The following DYNC2H1 variants were observed in gnomAD, a reference collection of about 807,000 sequenced individuals.
DYNC2H1 encodes the protein cytoplasmic dynein 2 heavy chain 1.
Under a neutral mutation model 570.0 loss-of-function variants are expected in DYNC2H1, and 410 were observed. That is an observed-to-expected ratio of 0.72 (90% CI 0.66 to 0.78). The LOEUF (loss-of-function observed/expected upper bound fraction) is 0.78. Ranked by LOEUF, DYNC2H1 falls within the 30% of genes least tolerant of loss-of-function variation. DYNC2H1 has a pLI of 0.00. For missense variants in DYNC2H1, 4,865 were observed against 5,046.4 expected (o/e 0.96, Z 1.09); for synonymous variants, 1,688 against 1,677.6 (o/e 1.01, Z -0.15).
At chr11:103,212,074 C>T (rs1591416752) in intron 54 of DYNC2H1, 131 bp downstream of exon 54, 2 of 1,136,474 alleles carry the variant, frequency 1.8e-6, no homozygotes, top group East Asian at 6.4e-5. Context: ...CCTTGGAAAA[C>T]AGTCTCACTT....
chr11:103,435,807 A>T, intron 84 of DYNC2H1, 136 bp from the exon 85 acceptor site: 2 of 677,476 alleles, frequency 3.0e-6, no homozygotes, highest in South Asian at 3.7e-5. Context: ...TGTTCAATTT[A>T]ATGAGATCAA....
rs755823209 is a variant in DYNC2H1, at chr11:103,177,868, A to G, written c.6139+48A>G. On this transcript the variant is annotated intron_variant, in intron 38 of 88. Transcript: ENST00000375735. This position sits in a 1 kb window ranked among gnomAD's most constrained non-coding sequence, Gnocchi z 4.4. ...TTGCTTTACTTAGTAATTCTTAGAT[A>G]ATGATATAATTTGTCTATAATGCTG... is the stretch of plus-strand genomic sequence containing the variant. 1 of 1,539,940 alleles carries G rather than the reference A, an allele frequency of 6.5e-7. No homozygotes were observed. Among genetic ancestry groups the G allele is most frequent in the Admixed American group, 2.3e-5 (1 of 44,006 alleles).
At chr11:103,399,079 C>T (rs1248691214) in intron 83 of DYNC2H1, among the ~76,000 whole-genome samples, 2 of 151,406 alleles carry the variant, frequency 1.3e-5, no homozygotes, top group Non-Finnish European at 2.9e-5. Context: ...TCTTTTCTTA[C>T]CATACTATTA....
chr11:103,445,291 C>T (rs1461329407), intron 85 of DYNC2H1, among the ~76,000 whole-genome samples: 1 of 152,122 alleles, frequency 6.6e-6, no homozygotes, highest in Middle Eastern at 3.2e-3. Flanking sequence ...GTATATGAAA[C>T]TATCTTTGTA....
rs1251940911 is a variant in DYNC2H1 at position 103,157,317 on chromosome 11, G to T, written c.4127+547G>T. On this transcript the variant is annotated intron_variant, in intron 26 of 88. Transcript: ENST00000375735. The surrounding 1 kb of genome is among the most constrained non-coding windows in gnomAD (Gnocchi z 4.2). ...CATCAGTTCTCTTTTATATGCTGAGGTCTCCTCAACTTACATGTACAGCCC... is the reference window on the plus strand; with the variant it reads ...CATCAGTTCTCTTTTATATGCTGAGTTCTCCTCAACTTACATGTACAGCCC... 6.6e-6 allele frequency among the ~76,000 whole-genome samples: 1 copy of T among 152,132 alleles called. No individual in the cohort carries two copies. The highest frequency in any genetic ancestry group is 1.5e-5 in the Non-Finnish European group (1 of 68,030).
chr11:103,227,797 A>G lies in DYNC2H1; in HGVS notation c.9354-3463A>G, dbSNP rs549259608. Among the ~76,000 whole-genome samples, 20 of 152,248 alleles carry G rather than the reference A, an allele frequency of 1.3e-4. No individual in the cohort carries two copies. In the South Asian group the frequency reaches 4.1e-3, roughly 32 times the overall value. On this transcript the variant is annotated intron_variant, in intron 59 of 88. Transcript: ENST00000375735. ...CAGTGGAGTATTAAAGTTTCTCACTATTATTGTGTTGATGTTTATCTCATT... is the reference window on the plus strand; with the variant it reads ...CAGTGGAGTATTAAAGTTTCTCACTGTTATTGTGTTGATGTTTATCTCATT...
chr11:103,400,382 A>G (rs1016202002), intron 84 of DYNC2H1, among the ~76,000 whole-genome samples: 1 of 152,182 alleles, frequency 6.6e-6, no homozygotes, highest in South Asian at 2.1e-4. Flanking sequence ...GGATGGATTT[A>G]TCTTTGCCTT....
rs373902855 is a variant in DYNC2H1 at position 103,119,489 on chromosome 11, G to C, written c.1000-958G>C. Among the ~76,000 whole-genome samples, 7 of 152,088 alleles carry C rather than the reference G, an allele frequency of 4.6e-5. No individual in the cohort carries two copies. In the East Asian group the frequency reaches 1.4e-3, roughly 29 times the overall value. On this transcript the variant is annotated intron_variant, in intron 6 of 88. Coordinates refer to ENST00000375735, the MANE Select transcript of DYNC2H1 (RefSeq NM_001377.3). ...TGAGTAGCTGGGACTACAGGTGCAC[G>C]CCACCACACCTGGCTAATTTTTGTA...
intron 25 of DYNC2H1, 148 bp from the exon 26 acceptor site, chr11:103,156,240 C>T: frequency 1.5e-6 from 1 of 687,634 alleles, no homozygotes; most frequent in Non-Finnish European, 2.4e-6. Flanking sequence ...TCTTGAGTTG[C>T]ATGTAAAATA....
chr11:103,425,308 T>G (rs983207189), intron 84 of DYNC2H1, among the ~76,000 whole-genome samples: 1 of 152,196 alleles, frequency 6.6e-6, no homozygotes, highest in Non-Finnish European at 1.5e-5. Flanking sequence ...AAACATTTAT[T>G]TCTTACAGTT....
intron 75 of DYNC2H1, 156 bp downstream of exon 75, chr11:103,287,761 A>AT (rs1422666920): frequency 1.6e-5 from 11 of 696,394 alleles, no homozygotes; most frequent in Non-Finnish European, 2.5e-5. Context: ...TTTTAGAAAA[A>AT]TAATTCTCGG....
chr11:103,240,907 C>T (rs1236398775), intron 63 of DYNC2H1, among the ~76,000 whole-genome samples: 1 of 152,162 alleles, frequency 6.6e-6, no homozygotes, highest in Non-Finnish European at 1.5e-5. Flanking sequence ...TTACTCCTGC[C>T]ATTTTATATG....
chr11:103,455,520 T>A (rs1350739476), intron 86 of DYNC2H1, among the ~76,000 whole-genome samples: 1 of 152,194 alleles, frequency 6.6e-6, no homozygotes, highest in Non-Finnish European at 1.5e-5. Context: ...AGATAAAATG[T>A]AACTTTTATA....
At position 103,358,324 on chromosome 11, in the gene DYNC2H1, T is replaced by A. The variant is rs1565524849; in HGVS notation, c.12121T>A (p.Ser4041Thr). The change falls in exon 83 of 89, where the codon TCT becomes ACT. Residue 4041 changes from serine (S) to threonine (T), a missense_variant. Coordinates refer to ENST00000375735, the MANE Select transcript of DYNC2H1 (RefSeq NM_001377.3). ...TAGAGAAATCTGGTCTAATGAACTT[T>A]CTCCTGTCCTCAATCTCTGGAAGAA... ...FDREIWSNELSPVLNLWKKLN... is the reference protein window; with the variant it reads ...FDREIWSNELTPVLNLWKKLN... 3.8e-6 allele frequency: 6 copies of A among 1,584,036 alleles called. No homozygotes were observed. Among genetic ancestry groups the A allele is most frequent in the Non-Finnish European group, 5.2e-6 (6 of 1,163,312 alleles).
intron 84 of DYNC2H1, among the ~76,000 whole-genome samples, 184 bp downstream of exon 84, chr11:103,400,056 C>T (rs1179649256): frequency 6.6e-6 from 1 of 152,152 alleles, no homozygotes; most frequent in African/African-American, 2.4e-5. Flanking sequence ...ATTATGCCAG[C>T]TTGATGTAGG....
Position 103,280,356 on chromosome 11 carries a change from G to C in DYNC2H1, c.10704G>C (p.Gln3568His). 1 of 1,554,986 alleles carries C rather than the reference G, an allele frequency of 6.4e-7. No individual in the cohort carries two copies. The highest frequency in any genetic ancestry group is 8.7e-7 in the Non-Finnish European group (1 of 1,148,020). The change falls in exon 71 of 89, where the codon CAG becomes CAC. Residue 3568 changes from glutamine to histidine, a missense_variant. Physicochemically the swap from Gln to His is conservative, Grantham distance 24. Coordinates refer to ENST00000375735, the MANE Select transcript of DYNC2H1 (RefSeq NM_001377.3). This position sits in a 1 kb window ranked among gnomAD's most constrained non-coding sequence, Gnocchi z 4.7. ...TCTGTTATTCTTTGCAGGCTGATCAGTTGATGTTCGCTTTGCATTTTGTTC... is the reference window on the plus strand; with the variant it reads ...TCTGTTATTCTTTGCAGGCTGATCACTTGATGTTCGCTTTGCATTTTGTTC... ...YICRCLFKAD[Q>H]LMFALHFVRG...
chr11:103,309,168 A>ATTTTTTTT lies in DYNC2H1; in HGVS notation c.11493+1354_11493+1361dup, dbSNP rs386374721. Among the ~76,000 whole-genome samples, 216 of 54,636 alleles carry ATTTTTTTT rather than the reference A, an allele frequency of 4.0e-3. 32 individuals are homozygous for ATTTTTTTT. The highest frequency in any genetic ancestry group is 0.016 in the East Asian group (32 of 1,952). 35.8% of individuals were successfully genotyped at this position (54,636 alleles called of 152,430 possible). The stretch of plus-strand genomic sequence containing the variant: ...TTATTAGTGTTTGTAACTGCATGCT[A>ATTTTTTTT]TTTTTTTTTTTTTTTTTTTTTTTTG... On this transcript the variant is annotated intron_variant, in intron 78 of 88. Transcript: ENST00000375735.
chr11:103,213,638 A>G (rs1863249649), intron 54 of DYNC2H1, among the ~76,000 whole-genome samples: 1 of 151,968 alleles, frequency 6.6e-6, no homozygotes, highest in Admixed American at 6.6e-5. Flanking sequence ...AAAAAAAAAA[A>G]ATCTATTCAG....
Position 103,170,767 on chromosome 11 carries a change from G to A in DYNC2H1, c.5152-119G>A, listed in dbSNP as rs1351787155. 4 of 982,752 alleles carry A rather than the reference G, an allele frequency of 4.1e-6. No homozygotes were observed. Among genetic ancestry groups the A allele is most frequent in the East Asian group, 6.1e-5 (2 of 32,922 alleles). 60.9% of individuals were successfully genotyped at this position (982,752 alleles called of 1,614,324 possible). The stretch of plus-strand genomic sequence containing the variant: ...CTACTTAATCCGTATTTTAAAATGA[G>A]CAAAAGAGGCATAGATGGGATAAAT... On this transcript the variant is annotated intron_variant, in intron 33 of 88. Coordinates refer to ENST00000375735, the MANE Select transcript of DYNC2H1 (RefSeq NM_001377.3). This position sits in a 1 kb window ranked among gnomAD's most constrained non-coding sequence, Gnocchi z 4.8.
Sources: gnomAD v4.1 joint callset for allele counts (sites outside exome capture counted in the v4.1 genomes callset) on GRCh38, gnomAD v4.1.1 for gene constraint, Gnocchi (gnomAD v3.1) non-coding constraint, MANE v1.5 for transcripts, NCBI Gene and HGNC (gene_info 2026-07-23, HGNC 2026-07-21) for gene names.